Variants in DCAF6 observed in about 807,000 individuals in gnomAD.
DCAF6 encodes DDB1 and CUL4 associated factor 6.
DCAF6 carries 54 observed loss-of-function variants against 125.1 expected under a neutral mutation model. The observed-to-expected ratio is 0.43, with a 90% confidence interval of 0.35 to 0.54. DCAF6 has a LOEUF of 0.54. DCAF6 is among the 20% of genes least tolerant of loss of function. The pLI, the probability that DCAF6 is intolerant of heterozygous loss-of-function variation, is 0.01. For missense variants in DCAF6, 934 were observed against 1,161.7 expected (o/e 0.80, Z 2.85); for synonymous variants, 371 against 390.4 (o/e 0.95, Z 0.58).
intron 4 of DCAF6, among the ~76,000 whole-genome samples, chr1:167,985,018 A>G (rs1262376167): frequency 6.6e-6 from 1 of 152,180 alleles, no homozygotes; most frequent in East Asian, 1.9e-4. Flanking sequence ...CTTGTGTGGA[A>G]AAACTCCCAT....
At chr1:167,987,288 G>C (rs1158724133) in intron 4 of DCAF6, among the ~76,000 whole-genome samples, 1 of 152,080 alleles carries the variant, frequency 6.6e-6, no homozygotes. Context: ...TCAAAGTACT[G>C]AATCATATTA....
the DCAF6 span, among the ~76,000 whole-genome samples, chr1:167,885,302 T>A: frequency 6.6e-6 from 1 of 152,204 alleles, no homozygotes; most frequent in Non-Finnish European, 1.5e-5. Flanking sequence ...TGAGTATGTA[T>A]CTAGGAGTAG....
the DCAF6 span, chr1:167,870,489 C>A: frequency 7.7e-7 from 1 of 1,291,238 alleles, no homozygotes; most frequent in Non-Finnish European, 1.1e-6. Flanking sequence ...ACATAGAAAC[C>A]CTCCTTCTAA....
chr1:167,937,114 C>T (rs1671379109), intron 1 of DCAF6, 106 bp downstream of exon 1: 1 of 933,946 alleles, frequency 1.1e-6, no homozygotes, highest in Admixed American at 2.2e-5. Context: ...GGTGGGGGCG[C>T]CCGGAGACTC....
At chr1:167,968,406 G>A (rs1676781056) in intron 3 of DCAF6, 1 of 152,360 alleles carries the variant, frequency 6.6e-6, no homozygotes, top group African/African-American at 2.4e-5. Context: ...ATGGCTCACT[G>A]GATGGCAGGG....
chr1:167,866,750 T>TA, the DCAF6 span, among the ~76,000 whole-genome samples: 14,000 of 123,006 alleles, frequency 0.11, 2,383 homozygotes, highest in African/African-American at 0.37. Context: ...AAAGTTCACT[T>TA]AAAAAAAAAA....
At chr1:167,864,744 AC>A in the DCAF6 span, among the ~76,000 whole-genome samples, 1 of 152,142 alleles carries the variant, frequency 6.6e-6, no homozygotes, top group Non-Finnish European at 1.5e-5. Context: ...ATTCTCCGTA[AC>A]CCTGTAACAC....
the DCAF6 span, chr1:167,896,817 G>A: frequency 1.4e-6 from 1 of 691,500 alleles, no homozygotes; most frequent in Admixed American, 2.5e-5. Context: ...TAAACACCAA[G>A]ACTATTTGAT....
chr1:167,981,556 A>G (rs1260480426), intron 4 of DCAF6, among the ~76,000 whole-genome samples: 1 of 152,046 alleles, frequency 6.6e-6, no homozygotes, highest in Non-Finnish European at 1.5e-5. Flanking sequence ...ACTAGTTCAC[A>G]GTTTCTGTTG....
intron 17 of DCAF6, among the ~76,000 whole-genome samples, chr1:168,061,966 A>C (rs554649449): frequency 6.6e-6 from 1 of 152,170 alleles, no homozygotes; most frequent in Non-Finnish European, 1.5e-5. Context: ...AAATGTGGAT[A>C]GTAGCCTAAT....
chr1:167,908,503 T>G, the DCAF6 span, among the ~76,000 whole-genome samples: 1 of 152,288 alleles, frequency 6.6e-6, no homozygotes, highest in East Asian at 1.9e-4. Flanking sequence ...TGAATACAGT[T>G]AATAAAGTAT....
At chr1:167,874,632 T>G in the DCAF6 span, among the ~76,000 whole-genome samples, 1 of 152,322 alleles carries the variant, frequency 6.6e-6, no homozygotes, top group African/African-American at 2.4e-5. Context: ...TCAACAGAAA[T>G]GCATACATGC....
chr1:167,951,867 TAATA>T lies in DCAF6; in HGVS notation c.159+7_159+10del. 2 of 1,594,200 alleles carry T rather than the reference TAATA, an allele frequency of 1.3e-6. No individual in the cohort carries two copies. The highest frequency in any genetic ancestry group is 1.7e-6 in the Non-Finnish European group (2 of 1,163,204). ...TTAATGTGCATGATGGTTGTGTAAG[TAATA>T]GTTAATTCTCAACTCTGAAGGGATT... On this transcript the variant is annotated splice_region_variant and intron_variant, in intron 2 of 21. Transcript: ENST00000367840.
At chr1:167,975,051 A>C (rs200026976) in intron 4 of DCAF6, 36 bp downstream of exon 4, 3 of 1,379,386 alleles carry the variant, frequency 2.2e-6, no homozygotes, top group East Asian at 2.5e-5. Flanking sequence ...TATATATGTA[A>C]GTATGTATAT....
At chr1:167,926,056 AAAG>A in the DCAF6 span, among the ~76,000 whole-genome samples, 4 of 152,224 alleles carry the variant, frequency 2.6e-5, no homozygotes. Flanking sequence ...CAAACACTAG[AAAG>A]AAGATCACGG....
intron 11 of DCAF6, among the ~76,000 whole-genome samples, chr1:168,021,971 C>A (rs1322989722): frequency 6.6e-6 from 1 of 151,994 alleles, no homozygotes; most frequent in Non-Finnish European, 1.5e-5. Context: ...GGGAATTATT[C>A]TTATTGGTTG....
At chr1:168,013,413 A>G (rs1684555655) in intron 10 of DCAF6, among the ~76,000 whole-genome samples, 1 of 152,310 alleles carries the variant, frequency 6.6e-6, no homozygotes, top group South Asian at 2.1e-4. Flanking sequence ...TAGTATCTGG[A>G]GAGGCTGAAA....
the DCAF6 span, chr1:167,902,044 A>T: frequency 6.2e-7 from 1 of 1,612,022 alleles, no homozygotes; most frequent in Non-Finnish European, 8.5e-7. Context: ...CTCCTCCAAA[A>T]ATCAACACTT....
intron 20 of DCAF6, among the ~76,000 whole-genome samples, chr1:168,067,116 A>G (rs896726849): frequency 2.0e-5 from 3 of 152,186 alleles, no homozygotes; most frequent in Non-Finnish European, 2.9e-5. Context: ...GGGTTCTCAT[A>G]TACTATTTCT....
Sources: allele counts gnomAD v4.1 joint callset (sites outside exome capture counted in the v4.1 genomes callset), GRCh38; gene constraint gnomAD v4.1.1; transcripts MANE v1.5; gene names NCBI Gene and HGNC (gene_info 2026-07-23, HGNC 2026-07-21).